The following RAD51B variants were observed in gnomAD, a reference collection of about 807,000 sequenced individuals.
RAD51B encodes RAD51 paralog B.
RAD51B carries 38 observed loss-of-function variants against 42.2 expected under a neutral mutation model. The observed-to-expected ratio is 0.90, with a 90% CI of 0.70 to 1.18. RAD51B has a LOEUF of 1.18. Among genes scored for constraint, RAD51B ranks in the 50% most tolerant of loss-of-function variants. The pLI, the probability that RAD51B is intolerant of heterozygous loss-of-function variation, is 0.00. For synonymous variants in RAD51B, 154 were observed against 145.2 expected, an observed-to-expected ratio of 1.06 and a Z score of -0.43; for missense variants, 373 against 400.7, an observed-to-expected ratio of 0.93 and a Z score of 0.59.
chr14:68,525,588 A>G (rs1343814394), intron 10 of RAD51B, among the ~76,000 whole-genome samples: 2 of 152,232 alleles, frequency 1.3e-5, no homozygotes, highest in Non-Finnish European at 2.9e-5. Flanking sequence ...TTCAGCCATC[A>G]GAGTTTCCCT....
intron 7 of RAD51B, among the ~76,000 whole-genome samples, chr14:68,051,391 T>G (rs2076391350): frequency 6.6e-6 from 1 of 152,068 alleles, no homozygotes; most frequent in Non-Finnish European, 1.5e-5. Context: ...ATTTAGGTTG[T>G]TTGTTTGTTT....
At chr14:68,439,144 G>A (rs1413926771) in intron 9 of RAD51B, among the ~76,000 whole-genome samples, 1 of 133,766 alleles carries the variant, frequency 7.5e-6, no homozygotes, top group Admixed American at 8.3e-5. Context: ...GAGAAGCCAT[G>A]TATTTTTGTA....
At position 68,019,033 on chromosome 14, in the gene RAD51B, G is replaced by A. The variant is rs188089066; in HGVS notation, c.756+131829G>A. 1.3e-3 allele frequency among the ~76,000 whole-genome samples: 200 copies of A among 152,144 alleles called. 1 individual carries two copies. Among genetic ancestry groups the A allele is most frequent in the African/African-American group, 4.6e-3 (192 of 41,520 alleles). ...GCATATAGTAAGCATTCAATACATG[G>A]TTAGTTATTAGGCATTCAGTAATAA... On this transcript the variant is annotated intron_variant, in intron 7 of 10. Coordinates refer to ENST00000471583, the MANE Select transcript of RAD51B (RefSeq NM_133510.4).
intron 7 of RAD51B, among the ~76,000 whole-genome samples, chr14:68,191,857 C>G (rs2079273929): frequency 6.6e-6 from 1 of 152,116 alleles, no homozygotes; most frequent in Non-Finnish European, 1.5e-5. Flanking sequence ...GTAAAGTTAC[C>G]TTGGTTGTGT....
At chr14:68,216,520 A>G (rs924377021) in intron 7 of RAD51B, among the ~76,000 whole-genome samples, 1 of 152,130 alleles carries the variant, frequency 6.6e-6, no homozygotes, top group African/African-American at 2.4e-5. Context: ...GTAGCAAATC[A>G]AATATATCAT....
At chr14:67,911,271 C>T (rs1341834414) in intron 7 of RAD51B, among the ~76,000 whole-genome samples, 4 of 152,158 alleles carry the variant, frequency 2.6e-5, no homozygotes, top group African/African-American at 7.2e-5. Context: ...CATGGACTGG[C>T]AGCATTAGCA....
At chr14:68,580,344 G>A (rs566219813) in intron 10 of RAD51B, among the ~76,000 whole-genome samples, 7 of 149,652 alleles carry the variant, frequency 4.7e-5, no homozygotes, top group Non-Finnish European at 8.8e-5. Context: ...GGTCTCCCAG[G>A]GTTGGAGGTC....
chr14:67,957,353 C>T (rs1384850664), intron 7 of RAD51B, among the ~76,000 whole-genome samples: 1 of 152,168 alleles, frequency 6.6e-6, no homozygotes. Flanking sequence ...TCTCTTAATT[C>T]ACAGTCATTA....
intron 5 of RAD51B, among the ~76,000 whole-genome samples, chr14:67,883,448 T>C (rs1216761888): frequency 6.6e-6 from 1 of 152,174 alleles, no homozygotes; most frequent in African/African-American, 2.4e-5. Context: ...TTTAGTCTCT[T>C]TGTTGTTTCT....
intron 10 of RAD51B, among the ~76,000 whole-genome samples, chr14:68,605,027 C>T (rs71423319): frequency 4.8e-4 from 73 of 152,228 alleles, no homozygotes; most frequent in East Asian, 3.9e-4. Flanking sequence ...CGGTGTGGCC[C>T]AGGCGGTGCT....
intron 8 of RAD51B, among the ~76,000 whole-genome samples, chr14:68,312,039 G>A (rs908506564): frequency 6.6e-6 from 1 of 152,148 alleles, no homozygotes; most frequent in African/African-American, 2.4e-5. Flanking sequence ...CTATTTTCAG[G>A]GATAACTGAG....
chr14:67,831,100 C>T (rs1429314505), intron 3 of RAD51B, among the ~76,000 whole-genome samples: 6 of 151,962 alleles, frequency 3.9e-5, no homozygotes, highest in Admixed American at 3.3e-4. Flanking sequence ...GTCTCGAACT[C>T]GTGACCTCAG....
At chr14:68,522,663 C>T (rs920610468) in intron 10 of RAD51B, among the ~76,000 whole-genome samples, 3 of 152,158 alleles carry the variant, frequency 2.0e-5, no homozygotes, top group African/African-American at 7.2e-5. Context: ...ATGCCTCAAA[C>T]AATTATCGAA....
chr14:67,904,356 A>G (rs1214827979), intron 7 of RAD51B, among the ~76,000 whole-genome samples: 3 of 152,122 alleles, frequency 2.0e-5, no homozygotes, highest in African/African-American at 7.3e-5. Context: ...ACTTATTAAC[A>G]TTCCTACCAA....
chr14:68,611,560 A>G (rs1891682980), exon 11 of RAD51B: 1 of 431,432 alleles, frequency 2.3e-6, no homozygotes, highest in Admixed American at 3.9e-5. Context: ...TGCAGCTCCT[A>G]GGAGGAAAGG....
chr14:68,309,743 A>G (rs2081932959), intron 8 of RAD51B, among the ~76,000 whole-genome samples: 2 of 152,182 alleles, frequency 1.3e-5, no homozygotes, highest in South Asian at 4.1e-4. Flanking sequence ...TTTGCTGTAA[A>G]ACATCCCAAC....
chr14:68,665,702 T>C (rs191737318), intron 11 of RAD51B, among the ~76,000 whole-genome samples: 36 of 152,248 alleles, frequency 2.4e-4, no homozygotes, highest in African/African-American at 8.7e-4. Flanking sequence ...CCCCTAGAGG[T>C]GCTTTTCCAC....
intron 8 of RAD51B, among the ~76,000 whole-genome samples, chr14:68,367,490 A>C (rs2083166302): frequency 6.6e-6 from 1 of 152,206 alleles, no homozygotes; most frequent in Non-Finnish European, 1.5e-5. Context: ...TGAGGATATA[A>C]AAAAGTATAA....
At chr14:68,611,529 T>C in exon 11 of RAD51B, 4 of 472,326 alleles carry the variant, frequency 8.5e-6, no homozygotes, top group South Asian at 4.7e-5. Flanking sequence ...TGTAAAAGGA[T>C]TGCTGAAGCT....
Sources: allele counts gnomAD v4.1 joint callset (sites outside exome capture counted in the v4.1 genomes callset), GRCh38; gene constraint gnomAD v4.1.1; transcripts MANE v1.5; gene names NCBI Gene and HGNC (gene_info 2026-07-23, HGNC 2026-07-21).